Variants in CNTN4 observed in about 807,000 individuals in gnomAD.
The protein encoded by CNTN4 is contactin 4, also known as contactin-4.
A neutral mutation model predicts 122.5 loss-of-function variants in CNTN4; 77 were observed. That is an observed-to-expected ratio of 0.63 (90% CI 0.52 to 0.76). CNTN4 has a LOEUF of 0.76. Among genes scored for constraint, CNTN4 ranks in the 30% least tolerant of loss-of-function variants. The probability of loss-of-function intolerance (pLI) is 0.00; values close to 1 mark genes in which losing one functional copy is unlikely to be tolerated. For synonymous variants in CNTN4, 512 were observed against 447.0 expected, an observed-to-expected ratio of 1.15 and a Z score of -1.83; for missense variants, 1,256 against 1,259.1, an observed-to-expected ratio of 1.00 and a Z score of 0.04.
chr3:2,542,272 A>G (rs2078062239), intron 3 of CNTN4, among the ~76,000 whole-genome samples: 1 of 152,142 alleles, frequency 6.6e-6, no homozygotes, highest in Admixed American at 6.5e-5. Flanking sequence ...CTGGATAAAT[A>G]AGAAGCCTGC....
Position 2,363,534 on chromosome 3 carries a change from G to A in CNTN4, c.-89+24301G>A, listed in dbSNP as rs530636691. Among the ~76,000 whole-genome samples the A allele has an allele frequency of 2.0e-5, 3 of 152,276 alleles. No homozygotes were observed. In the East Asian group the frequency reaches 5.8e-4, roughly 29 times the overall value. ...CATTTTTAAGCTATATAACAACCAT[G>A]TGAGGTAGACATTATTATTCACATA... On this transcript the variant is annotated intron_variant, in intron 3 of 24. Transcript: ENST00000418658.
At chr3:2,138,160 G>A (rs943461582) in intron 2 of CNTN4, among the ~76,000 whole-genome samples, 5 of 150,606 alleles carry the variant, frequency 3.3e-5, no homozygotes, top group South Asian at 2.1e-4. Flanking sequence ...TCCACTTCCC[G>A]GGTTCAAGTG....
intron 7 of CNTN4, among the ~76,000 whole-genome samples, chr3:2,866,129 A>G (rs1179205906): frequency 6.6e-6 from 1 of 152,192 alleles, no homozygotes; most frequent in Non-Finnish European, 1.5e-5. Context: ...AAAAAATTTG[A>G]GTTGATAGTA....
At chr3:2,737,382 G>A (rs1010397291) in intron 5 of CNTN4, among the ~76,000 whole-genome samples, 7 of 152,092 alleles carry the variant, frequency 4.6e-5, no homozygotes, top group African/African-American at 9.7e-5. Context: ...CGCCCAGCCC[G>A]TAAAGAGCTT....
At chr3:2,124,327 A>T (rs1429821008) in intron 2 of CNTN4, among the ~76,000 whole-genome samples, 2 of 152,102 alleles carry the variant, frequency 1.3e-5, no homozygotes, top group Non-Finnish European at 2.9e-5. Context: ...GTATGTTATT[A>T]AAATGGGCGG....
chr3:2,802,744 G>A (rs2150071197), intron 6 of CNTN4, among the ~76,000 whole-genome samples: 1 of 152,240 alleles, frequency 6.6e-6, no homozygotes, highest in Admixed American at 6.5e-5. Context: ...CATAACTACA[G>A]CCAGTAATGT....
At chr3:3,014,865 G>A (rs1265264903) in intron 14 of CNTN4, among the ~76,000 whole-genome samples, 4 of 140,014 alleles carry the variant, frequency 2.9e-5, no homozygotes, top group African/African-American at 8.0e-5. Context: ...TTATACTTGC[G>A]TGACCCTCGA....
chr3:2,991,363 A>G (rs541087682), intron 14 of CNTN4, among the ~76,000 whole-genome samples: 2 of 152,334 alleles, frequency 1.3e-5, no homozygotes, highest in East Asian at 3.9e-4. Flanking sequence ...TGTGTTTCCA[A>G]GCAGAGTTAT....
At chr3:3,053,123 C>A (rs1701430317) in intron 23 of CNTN4, among the ~76,000 whole-genome samples, 1 of 152,198 alleles carries the variant, frequency 6.6e-6, no homozygotes, top group Admixed American at 6.5e-5. Context: ...CAACGTCTGC[C>A]TCCCGGGTGC....
chr3:2,277,947 T>C (rs1312733200), intron 2 of CNTN4, among the ~76,000 whole-genome samples: 1 of 151,818 alleles, frequency 6.6e-6, no homozygotes, highest in Non-Finnish European at 1.5e-5. Flanking sequence ...ATTTTTTTTT[T>C]CGCAGAAAAT....
intron 3 of CNTN4, among the ~76,000 whole-genome samples, chr3:2,386,474 T>C (rs2046261693): frequency 6.6e-6 from 1 of 152,228 alleles, no homozygotes; most frequent in Non-Finnish European, 1.5e-5. Context: ...GCTGGGTTTC[T>C]TGGAATTAGT....
intron 3 of CNTN4, among the ~76,000 whole-genome samples, chr3:2,546,253 C>T (rs1030215807): frequency 3.3e-5 from 5 of 151,722 alleles, no homozygotes; most frequent in Non-Finnish European, 7.4e-5. Flanking sequence ...GTAGAATCAA[C>T]CTAAATGCCT....
At chr3:2,302,561 A>T (rs574985255) in intron 2 of CNTN4, among the ~76,000 whole-genome samples, 1 of 152,346 alleles carries the variant, frequency 6.6e-6, no homozygotes, top group Admixed American at 6.5e-5. Flanking sequence ...TGAAATATTT[A>T]ATTTTGAAAT....
Position 2,991,943 on chromosome 3 carries a change from C to G in CNTN4, c.1486+3471C>G, listed in dbSNP as rs572064052. On this transcript the variant is annotated intron_variant, in intron 14 of 24. Coordinates refer to ENST00000418658, the MANE Select transcript of CNTN4 (RefSeq NM_175607.3). Reference sequence around the variant, plus strand: ...TTTCCTCATGTGTCTGGGATTAAAACACCGTGAAGGTCGGGCGTCAGAACA... The same window carrying G: ...TTTCCTCATGTGTCTGGGATTAAAAGACCGTGAAGGTCGGGCGTCAGAACA... Among the ~76,000 whole-genome samples the G allele has an allele frequency of 2.6e-5, 4 of 152,300 alleles. No homozygotes were observed. The South Asian group carries it at 8.3e-4, about 32-fold the overall frequency.
At chr3:2,169,261 C>T (rs894794873) in intron 2 of CNTN4, among the ~76,000 whole-genome samples, 6 of 151,946 alleles carry the variant, frequency 3.9e-5, no homozygotes, top group African/African-American at 1.5e-4. Context: ...AAGAAGAGTT[C>T]AGTATTCAGA....
At chr3:2,126,536 A>G (rs986563748) in intron 2 of CNTN4, among the ~76,000 whole-genome samples, 21 of 152,224 alleles carry the variant, frequency 1.4e-4, no homozygotes, top group Non-Finnish European at 1.2e-4. Flanking sequence ...TTATTTAATC[A>G]TTAGCTAATA....
chr3:2,281,409 A>G (rs2041709430), intron 2 of CNTN4, among the ~76,000 whole-genome samples: 1 of 152,070 alleles, frequency 6.6e-6, no homozygotes, highest in Non-Finnish European at 1.5e-5. Context: ...TGGCCTATTT[A>G]TTTTAAGCCC....
At chr3:2,142,679 C>T (rs1160411807) in intron 2 of CNTN4, among the ~76,000 whole-genome samples, 2 of 152,144 alleles carry the variant, frequency 1.3e-5, no homozygotes, top group Non-Finnish European at 2.9e-5. Flanking sequence ...TTTAATCTTC[C>T]CCTCCATTAC....
At chr3:2,170,399 A>C (rs1489742928) in intron 2 of CNTN4, among the ~76,000 whole-genome samples, 1 of 152,174 alleles carries the variant, frequency 6.6e-6, no homozygotes, top group Non-Finnish European at 1.5e-5. Context: ...ATTAGAAGTA[A>C]ACTTAGGAAA....
Sources: gnomAD v4.1 joint callset for allele counts (sites outside exome capture counted in the v4.1 genomes callset) on GRCh38, gnomAD v4.1.1 for gene constraint, MANE v1.5 for transcripts, NCBI Gene and HGNC (gene_info 2026-07-23, HGNC 2026-07-21) for gene names.